TMOD2: variants seen among roughly 807,000 people sequenced by gnomAD.
TMOD2 encodes tropomodulin-2.
Under a neutral mutation model 39.9 loss-of-function variants are expected in TMOD2, and 22 were observed. The observed-to-expected ratio is 0.55, with a 90% confidence interval of 0.39 to 0.79. TMOD2 has a LOEUF of 0.79. Among genes scored for constraint, TMOD2 ranks in the 30% least tolerant of loss-of-function variants. TMOD2 has a pLI of 0.00. For missense variants in TMOD2, 386 were observed against 413.3 expected (o/e 0.93, Z 0.57); for synonymous variants, 123 against 146.1 (o/e 0.84, Z 1.14).
chr15:51,767,632 G>A (rs1487858787), intron 2 of TMOD2, among the ~76,000 whole-genome samples: 12 of 117,980 alleles, frequency 1.0e-4, no homozygotes, highest in Non-Finnish European at 1.5e-4. Context: ...GTCAATTACG[G>A]TTAAAAAAAA....
chr15:51,761,940 G>A (rs141608505), intron 1 of TMOD2, among the ~76,000 whole-genome samples: 1,815 of 152,042 alleles, frequency 0.012, 26 homozygotes, highest in Non-Finnish European at 0.021. Flanking sequence ...GAGGTCAGGA[G>A]ATCGAGACCA....
At chr15:51,775,561 TTC>T (rs2055880941) in intron 4 of TMOD2, among the ~76,000 whole-genome samples, 2 of 139,348 alleles carry the variant, frequency 1.4e-5, no homozygotes, top group African/African-American at 5.3e-5. Flanking sequence ...CAGTGACAAA[TTC>T]TTTTTCCTTT....
At chr15:51,752,399 G>A (rs1196784370) in intron 1 of TMOD2, 3 of 152,244 alleles carry the variant, frequency 2.0e-5, no homozygotes, top group African/African-American at 7.2e-5. Context: ...GGAATTTTTA[G>A]AGTATTCAGA....
chr15:51,814,931 T>C lies in TMOD2; in HGVS notation c.*6477T>C, dbSNP rs191200608. ...TTCTTTACTGTCTTCAGAATGGTTC[T>C]GGATAAGCGGCCTTTTCTGAAAGGA... On this transcript the variant is annotated 3_prime_UTR_variant, in exon 10 of 10. Coordinates refer to ENST00000249700, the MANE Select transcript of TMOD2 (RefSeq NM_014548.4). 1 of 152,372 alleles carries C rather than the reference T, an allele frequency of 6.6e-6. No homozygotes were observed. The highest frequency in any genetic ancestry group is 1.5e-5 in the Non-Finnish European group (1 of 68,052). The allele number at this position is 152,372 out of a possible 1,614,324, so 9.4% of individuals were successfully genotyped here.
At chr15:51,776,824 G>A in intron 4 of TMOD2, 108 bp from the exon 5 acceptor site, 1 of 881,810 alleles carries the variant, frequency 1.1e-6, no homozygotes, top group Non-Finnish European at 1.9e-6. Context: ...GAGGACTCAG[G>A]GACTTATCTT....
At chr15:51,766,348 T>C (rs2055816186) in intron 1 of TMOD2, 25 bp from the exon 2 acceptor site, 2 of 1,226,468 alleles carry the variant, frequency 1.6e-6, no homozygotes, top group Admixed American at 2.4e-5. Flanking sequence ...GATTCTTTTT[T>C]ATTGTGTTTC....
At chr15:51,761,197 T>G (rs1341272299) in intron 1 of TMOD2, among the ~76,000 whole-genome samples, 1 of 152,070 alleles carries the variant, frequency 6.6e-6, no homozygotes, top group Non-Finnish European at 1.5e-5. Flanking sequence ...ATCAGAGTAG[T>G]GCAGGTATGA....
At chr15:51,806,789 G>A (rs889316339) in intron 9 of TMOD2, among the ~76,000 whole-genome samples, 1 of 152,116 alleles carries the variant, frequency 6.6e-6, no homozygotes, top group Admixed American at 6.5e-5. Context: ...TTGTGTATTT[G>A]TTTCTCTTTT....
Position 51,761,724 on chromosome 15 carries a change from T to TA in TMOD2, c.-69-4634dup, listed in dbSNP as rs74717096. ...GGGCAACAGAATGAGACCCTGTCTT[T>TA]AAAAAAAAAAAAAAATTCAAATAGA... On this transcript the variant is annotated intron_variant, in intron 1 of 9. Transcript: ENST00000249700. Among the ~76,000 whole-genome samples the TA allele has an allele frequency of 4.4e-3, 605 of 138,938 alleles. 2 individuals are homozygous for TA. The highest frequency in any genetic ancestry group is 9.9e-3 in the African/African-American group (374 of 37,852). The allele number at this position is 138,938 out of a possible 152,430, so 91.1% of individuals were successfully genotyped here.
chr15:51,803,760 ACT>A (rs1190578701), intron 8 of TMOD2, among the ~76,000 whole-genome samples: 1 of 152,296 alleles, frequency 6.6e-6, no homozygotes, highest in East Asian at 1.9e-4. Flanking sequence ...AAGTTAAAAA[ACT>A]CAAAATACAG....
chr15:51,801,290 C>A (rs759684734), intron 8 of TMOD2, among the ~76,000 whole-genome samples: 2 of 56,640 alleles, frequency 3.5e-5, no homozygotes, highest in Non-Finnish European at 9.3e-5. Context: ...CACACCCTGT[C>A]TCTCTCTCTC....
At chr15:51,767,341 T>A (rs1406624219) in intron 2 of TMOD2, among the ~76,000 whole-genome samples, 2 of 152,214 alleles carry the variant, frequency 1.3e-5, no homozygotes, top group African/African-American at 4.8e-5. Flanking sequence ...CGCAGATTTT[T>A]AAAAATATCT....
chr15:51,784,148 C>T (rs1006213831), intron 7 of TMOD2: 8 of 152,210 alleles, frequency 5.3e-5, no homozygotes, highest in African/African-American at 1.7e-4. Flanking sequence ...AGCCAGAATT[C>T]ACTACCAAGT....
chr15:51,811,954 AT>A lies in TMOD2; in HGVS notation c.*3502del, dbSNP rs1455913515. 2 of 152,222 alleles carry A rather than the reference AT, an allele frequency of 1.3e-5. No individual in the cohort carries two copies. Among genetic ancestry groups the A allele is most frequent in the Non-Finnish European group, 2.9e-5 (2 of 68,040 alleles). The allele number at this position is 152,222 out of a possible 1,614,324, so 9.4% of individuals were successfully genotyped here. A position where few individuals can be genotyped will look rare whatever the true frequency, so the allele number is the denominator to read the frequency against. On this transcript the variant is annotated 3_prime_UTR_variant, in exon 10 of 10. Coordinates refer to ENST00000249700, the MANE Select transcript of TMOD2 (RefSeq NM_014548.4). ...TATCCATTTGCCTAATGTATTTAAC[AT>A]TCCATCCTCATCAACATGATGAAGC...
intron 1 of TMOD2, among the ~76,000 whole-genome samples, chr15:51,760,774 C>G (rs1457735151): frequency 6.6e-6 from 1 of 151,926 alleles, no homozygotes; most frequent in Non-Finnish European, 1.5e-5. Context: ...CCATTGCACT[C>G]CAGCCTGGGC....
At chr15:51,794,767 T>G (rs1005666582) in intron 7 of TMOD2, among the ~76,000 whole-genome samples, 1 of 152,162 alleles carries the variant, frequency 6.6e-6, no homozygotes, top group Non-Finnish European at 1.5e-5. Flanking sequence ...TCTTAGAAAA[T>G]TTTTTATTCT....
chr15:51,776,788 C>T (rs1211477830), intron 4 of TMOD2, 144 bp from the exon 5 acceptor site: 3 of 634,368 alleles, frequency 4.7e-6, no homozygotes, highest in East Asian at 5.8e-5. Context: ...TAACGCTATA[C>T]ATGTACCACA....
At chr15:51,758,394 G>C (rs1054272860) in intron 1 of TMOD2, among the ~76,000 whole-genome samples, 1 of 152,168 alleles carries the variant, frequency 6.6e-6, no homozygotes, top group Admixed American at 6.5e-5. Context: ...GGTGATGTAG[G>C]CATACAAATT....
intron 6 of TMOD2, among the ~76,000 whole-genome samples, chr15:51,781,459 A>G (rs1438365562): frequency 1.3e-5 from 2 of 152,234 alleles, no homozygotes; most frequent in Non-Finnish European, 2.9e-5. Context: ...GACATTTATT[A>G]TTTCACACAC....
Sources: allele counts gnomAD v4.1 joint callset (sites outside exome capture counted in the v4.1 genomes callset), GRCh38; gene constraint gnomAD v4.1.1; transcripts MANE v1.5; gene names NCBI Gene and HGNC (gene_info 2026-07-23, HGNC 2026-07-21).